The following CEP83 variants were observed in gnomAD, a reference collection of about 807,000 sequenced individuals.
The protein encoded by CEP83 is centrosomal protein 83.
In CEP83, 70 loss-of-function variants were observed where a neutral mutation model predicts 101.9. The observed-to-expected ratio is 0.69, with a 90% CI of 0.57 to 0.84. The LOEUF is 0.84. Ranked by LOEUF, CEP83 falls within the 40% of genes least tolerant of loss-of-function variation. The pLI is 0.00. For synonymous variants in CEP83, 264 were observed against 267.9 expected, an observed-to-expected ratio of 0.99 and a Z score of 0.14; for missense variants, 715 against 787.2, an observed-to-expected ratio of 0.91 and a Z score of 1.10.
chr12:94,355,983 C>T (rs1368909144), intron 11 of CEP83, among the ~76,000 whole-genome samples: 1 of 152,292 alleles, frequency 6.6e-6, no homozygotes, highest in Non-Finnish European at 1.5e-5. Flanking sequence ...CCCCTGATTT[C>T]CCACTTCACA....
intron 2 of CEP83, chr12:94,424,241 T>G: frequency 6.2e-7 from 1 of 1,613,860 alleles, no homozygotes; most frequent in Middle Eastern, 1.7e-4. Context: ...GATGCCCATG[T>G]CTCCATTCCT....
intron 11 of CEP83, among the ~76,000 whole-genome samples, chr12:94,350,045 C>T (rs3952589): frequency 0.56 from 84,574 of 151,968 alleles, 23,510 homozygotes; most frequent in Admixed American, 0.58. Flanking sequence ...TTGAAAGATT[C>T]AATATTGTTG....
intron 14 of CEP83, among the ~76,000 whole-genome samples, chr12:94,321,416 T>G (rs918459699): frequency 5.3e-5 from 8 of 152,168 alleles, no homozygotes; most frequent in African/African-American, 1.9e-4. Flanking sequence ...GGAGAACTAG[T>G]GGCCATTTGA....
At chr12:94,290,501 C>T in the CEP83 span, among the ~76,000 whole-genome samples, 1 of 152,256 alleles carries the variant, frequency 6.6e-6, no homozygotes, top group Non-Finnish European at 1.5e-5. Flanking sequence ...CCCCAGCCGG[C>T]CCCTGCCCAG....
intron 6 of CEP83, among the ~76,000 whole-genome samples, chr12:94,396,615 T>C (rs1392928894): frequency 3.3e-5 from 5 of 152,132 alleles, no homozygotes; most frequent in African/African-American, 1.2e-4. Context: ...TAAGATGAGA[T>C]ATGTTCTTTC....
In CEP83 at chr12:94,362,801, C is replaced by T. The variant is rs189647513; in HGVS notation, c.1343+4993G>A. ...TGGAATCAACCTACGTGCCCATCAA[C>T]GGATGGATAAAGAAAATGTGGCATA... On this transcript the variant is annotated intron_variant, in intron 11 of 16. Transcript: ENST00000397809. 3.2e-3 allele frequency among the ~76,000 whole-genome samples: 489 copies of T among 152,258 alleles called. 2 individuals carry two copies. The highest frequency in any genetic ancestry group is 4.9e-3 in the Non-Finnish European group (335 of 68,024).
At chr12:94,278,464 C>T in the CEP83 span, among the ~76,000 whole-genome samples, 2 of 152,236 alleles carry the variant, frequency 1.3e-5, no homozygotes, top group Non-Finnish European at 2.9e-5. Context: ...TGTTTTCACA[C>T]GTGCACAAAG....
chr12:94,425,063 G>A (rs12578115), intron 2 of CEP83: 22,575 of 330,908 alleles, frequency 0.068, 1,171 homozygotes, highest in Middle Eastern at 0.099. Flanking sequence ...GGGATCGAGG[G>A]AAAGGGGGAG....
chr12:94,368,465 T>C, intron 9 of CEP83: 1 of 309,600 alleles, frequency 3.2e-6, no homozygotes. Flanking sequence ...ATACATTTAC[T>C]CATTCGAACA....
At chr12:94,441,631 G>A (rs2066402732) in intron 1 of CEP83, among the ~76,000 whole-genome samples, 1 of 152,094 alleles carries the variant, frequency 6.6e-6, no homozygotes, top group African/African-American at 2.4e-5. Flanking sequence ...CGAATGAAAA[G>A]TAGGCTGGGC....
chr12:94,457,093 T>C (rs759816512), intron 1 of CEP83, among the ~76,000 whole-genome samples: 8 of 152,144 alleles, frequency 5.3e-5, no homozygotes, highest in East Asian at 3.9e-4. Flanking sequence ...TCACGGGGGA[T>C]AGAAAGATAT....
chr12:94,370,791 C>T (rs539656711), intron 8 of CEP83, among the ~76,000 whole-genome samples: 33 of 152,150 alleles, frequency 2.2e-4, no homozygotes, highest in Non-Finnish European at 4.6e-4. Context: ...GTGTTGGAGA[C>T]CAGCCTGGGC....
the CEP83 span, among the ~76,000 whole-genome samples, chr12:94,272,702 CTG>C: frequency 2.0e-5 from 3 of 152,250 alleles, no homozygotes; most frequent in Non-Finnish European, 2.9e-5. Context: ...CCCACTGAAT[CTG>C]GAGCATACTG....
At position 94,398,824 on chromosome 12, in the gene CEP83, G is replaced by C. The variant is rs893364989; in HGVS notation, c.549+2026C>G. On this transcript the variant is annotated intron_variant, in intron 6 of 16. Coordinates refer to ENST00000397809, the MANE Select transcript of CEP83 (RefSeq NM_016122.3). Reference sequence around the variant, plus strand: ...TACCCTGGGGAAGGAATGCATTCCTGGGGGGAGGTCTATAAACGGCTGCTC... The same window carrying C: ...TACCCTGGGGAAGGAATGCATTCCTCGGGGGAGGTCTATAAACGGCTGCTC... Among the ~76,000 whole-genome samples the C allele has an allele frequency of 9.2e-5, 14 of 152,218 alleles. No homozygotes were observed. The South Asian group carries it at 1.7e-3, about 18-fold the overall frequency.
chr12:94,303,654 G>A (rs937849482), downstream of CEP83: 2 of 1,028,460 alleles, frequency 1.9e-6, no homozygotes, highest in South Asian at 2.0e-5. Context: ...GGTTGGTGGT[G>A]GGGGTTCAGC....
intron 11 of CEP83, among the ~76,000 whole-genome samples, chr12:94,363,554 C>A (rs2060877713): frequency 6.6e-6 from 1 of 152,070 alleles, no homozygotes; most frequent in African/African-American, 2.4e-5. Flanking sequence ...TTCATAACAG[C>A]ATTATTAATA....
At chr12:94,290,941 C>A in the CEP83 span, among the ~76,000 whole-genome samples, 1 of 152,102 alleles carries the variant, frequency 6.6e-6, no homozygotes, top group Non-Finnish European at 1.5e-5. Context: ...TCTTGCCACC[C>A]GTTTGTCTTG....
intron 1 of CEP83, among the ~76,000 whole-genome samples, chr12:94,441,864 G>A (rs996692939): frequency 2.9e-5 from 4 of 139,616 alleles, no homozygotes; most frequent in Non-Finnish European, 4.5e-5. Context: ...GCAGTGAGCC[G>A]AGATCGCACC....
chr12:94,352,907 GA>G (rs1463285598), intron 11 of CEP83, among the ~76,000 whole-genome samples: 1 of 152,138 alleles, frequency 6.6e-6, no homozygotes, highest in Non-Finnish European at 1.5e-5. Context: ...TAAGAGATGG[GA>G]AATGGTATCA....
Sources: allele counts gnomAD v4.1 joint callset (sites outside exome capture counted in the v4.1 genomes callset), GRCh38; gene constraint gnomAD v4.1.1; transcripts MANE v1.5; gene names NCBI Gene and HGNC (gene_info 2026-07-23, HGNC 2026-07-21).